Variants in NRG2 observed in about 807,000 individuals in gnomAD.
NRG2 encodes neuregulin 2, also known as pro-neuregulin-2, membrane-bound isoform.
NRG2 carries 27 observed loss-of-function variants against 73.9 expected under a neutral mutation model. The observed-to-expected ratio is 0.37, with a 90% confidence interval of 0.27 to 0.50. The LOEUF (loss-of-function observed/expected upper bound fraction) is 0.50. Ranked by LOEUF, NRG2 falls within the 20% of genes least tolerant of loss-of-function variation. NRG2 has a pLI of 0.96. For missense variants in NRG2, 1,126 were observed against 1,210.1 expected, an observed-to-expected ratio of 0.93 and a Z score of 1.03; for synonymous variants, 532 against 541.0, an observed-to-expected ratio of 0.98 and a Z score of 0.23.
At chr5:139,916,529 G>A (rs115776603) in intron 1 of NRG2, among the ~76,000 whole-genome samples, 6 of 152,160 alleles carry the variant, frequency 3.9e-5, no homozygotes, top group African/African-American at 9.6e-5. Flanking sequence ...AAGAAACCTC[G>A]TACTCTTTAG....
At chr5:139,872,097 C>A (rs1358690331) in intron 3 of NRG2, among the ~76,000 whole-genome samples, 3 of 152,204 alleles carry the variant, frequency 2.0e-5, no homozygotes, top group African/African-American at 7.2e-5. Flanking sequence ...GATTTTCATT[C>A]TTTTGTGGGG....
Position 140,036,137 on chromosome 5 carries a change from T to C in NRG2, c.700+6233A>G, listed in dbSNP as rs147608141. On this transcript the variant is annotated intron_variant, in intron 1 of 9. Coordinates refer to ENST00000361474, the MANE Select transcript of NRG2 (RefSeq NM_004883.3). ...CCAGAGAAGGTCCCTGGAGAGGCCA[T>C]TTGGATCTTCCTGCATATACAAAGT... 5.5e-4 allele frequency among the ~76,000 whole-genome samples: 84 copies of C among 152,270 alleles called. No homozygotes were observed. The East Asian group carries it at 0.015, about 28-fold the overall frequency.
chr5:139,955,158 G>A (rs535776201), intron 1 of NRG2, among the ~76,000 whole-genome samples: 2 of 152,306 alleles, frequency 1.3e-5, no homozygotes, highest in South Asian at 4.1e-4. Flanking sequence ...ACAGTAAAAG[G>A]CAGTTACAGG....
chr5:140,039,422 G>C (rs1208192803), intron 1 of NRG2, among the ~76,000 whole-genome samples: 1 of 152,108 alleles, frequency 6.6e-6, no homozygotes, highest in African/African-American at 2.4e-5. Flanking sequence ...GAAATGCAAA[G>C]ATTTTACTCA....
At chr5:139,928,007 C>G (rs563453808) in intron 1 of NRG2, among the ~76,000 whole-genome samples, 1 of 151,996 alleles carries the variant, frequency 6.6e-6, no homozygotes, top group African/African-American at 2.4e-5. Context: ...CTAGAAAAAG[C>G]CCCATTTGTC....
Position 140,026,962 on chromosome 5 carries a change from A to G in NRG2, c.700+15408T>C, listed in dbSNP as rs186621749. ...GCCTCGAAGAATGTTTGAGACAAAC[A>G]AAAGTCCTTCCGTGGGTCTTTTTTG... On this transcript the variant is annotated intron_variant, in intron 1 of 9. Transcript: ENST00000361474. 2.5e-3 allele frequency among the ~76,000 whole-genome samples: 374 copies of G among 152,280 alleles called. 3 individuals carry two copies. The highest frequency in any genetic ancestry group is 8.3e-3 in the African/African-American group (344 of 41,550).
At chr5:139,889,183 C>G (rs1764058253) in intron 1 of NRG2, among the ~76,000 whole-genome samples, 2 of 152,140 alleles carry the variant, frequency 1.3e-5, no homozygotes. Flanking sequence ...GTATCGTTCT[C>G]TAAGTGGGGG....
chr5:140,036,813 C>A (rs963697076), intron 1 of NRG2, among the ~76,000 whole-genome samples: 3 of 152,190 alleles, frequency 2.0e-5, no homozygotes, highest in Non-Finnish European at 4.4e-5. Context: ...GATCTAAGAA[C>A]AAGTTGTTGA....
At chr5:139,859,776 T>A (rs1762030730) in intron 5 of NRG2, 1 of 1,090,880 alleles carries the variant, frequency 9.2e-7, no homozygotes, top group Admixed American at 2.0e-5. Context: ...ATTTTTGGAA[T>A]CATCCCTTTT....
At chr5:139,907,930 G>A (rs893077595) in intron 1 of NRG2, among the ~76,000 whole-genome samples, 4 of 152,236 alleles carry the variant, frequency 2.6e-5, no homozygotes, top group African/African-American at 9.6e-5. Flanking sequence ...CGTACTATCT[G>A]CCTCAGCCTA....
chr5:139,856,069 G>T lies in NRG2; in HGVS notation c.1190-291C>A, dbSNP rs1761790821. 3 of 433,078 alleles carry T rather than the reference G, an allele frequency of 6.9e-6. No individual in the cohort carries two copies. Among genetic ancestry groups the T allele is most frequent in the South Asian group, 6.4e-5 (2 of 31,460 alleles). The allele number at this position is 433,078 out of a possible 1,614,324, so 26.8% of individuals were successfully genotyped here. On this transcript the variant is annotated intron_variant, in intron 5 of 9. Transcript: ENST00000361474. This position sits in a 1 kb window ranked among gnomAD's most constrained non-coding sequence, Gnocchi z 4.2. ...GAGCACATGAGTGGAAAATGCAGGG[G>T]AATGGGAAGGGATGGAGTGGAGGCA... is the stretch of plus-strand genomic sequence containing the variant.
chr5:139,890,473 CTTTTTT>C (rs11288649), intron 1 of NRG2, among the ~76,000 whole-genome samples: 5 of 106,030 alleles, frequency 4.7e-5, no homozygotes, highest in Admixed American at 9.7e-5. Flanking sequence ...TTCTTTCTTT[CTTTTTT>C]TTTTTTTTTT....
intron 1 of NRG2, among the ~76,000 whole-genome samples, chr5:139,938,663 T>C (rs1201167650): frequency 2.0e-5 from 3 of 152,012 alleles, no homozygotes; most frequent in African/African-American, 7.3e-5. Flanking sequence ...AGCCTCAAGA[T>C]ATATTATAAA....
chr5:139,986,490 G>A (rs1757183079), intron 1 of NRG2, among the ~76,000 whole-genome samples: 1 of 152,158 alleles, frequency 6.6e-6, no homozygotes, highest in South Asian at 2.1e-4. Context: ...AAAGAACCTA[G>A]ACATAAATGA....
rs746735011 is a variant in NRG2 at position 139,848,596 on chromosome 5, G to C, written c.1874C>G (p.Ser625Trp). The change falls in exon 10 of 10, where the codon TCG (serine) becomes TGG (tryptophan). Residue 625 changes from serine to tryptophan, a missense_variant. By Grantham distance (177) the Ser-to-Trp change is radical. Coordinates refer to ENST00000361474, the MANE Select transcript of NRG2 (RefSeq NM_004883.3). The part of the protein sequence containing the change: ...VPTFEITSPN[S>W]AHAVSLPPAA... ...CGGCGGCAGCGACACGGCGTGCGCC[G>C]AGTTGGGGGACGTGATCTCGAAAGT... is the stretch of plus-strand genomic sequence containing the variant. 5 of 1,572,014 alleles carry C rather than the reference G, an allele frequency of 3.2e-6. No individual in the cohort carries two copies. The highest frequency in any genetic ancestry group is 2.4e-5 in the East Asian group (1 of 41,334).
At chr5:139,939,522 G>A (rs984407048) in intron 1 of NRG2, among the ~76,000 whole-genome samples, 9 of 152,026 alleles carry the variant, frequency 5.9e-5, no homozygotes, top group Non-Finnish European at 1.3e-4. Context: ...TGATCTGCCC[G>A]CCTTGGCCTC....
chr5:140,008,788 T>G lies in NRG2; in HGVS notation c.700+33582A>C, dbSNP rs559403920. On this transcript the variant is annotated intron_variant, in intron 1 of 9. Transcript: ENST00000361474. The surrounding 1 kb of genome is among the most constrained non-coding windows in gnomAD (Gnocchi z 4.2). ...AAAATAAATGCATGAAACAAGGAGG[T>G]ATAGTACTATGGTTAGGATATAGGC... is the stretch of plus-strand genomic sequence containing the variant. Among the ~76,000 whole-genome samples the G allele has an allele frequency of 7.9e-5, 12 of 152,002 alleles. No individual in the cohort carries two copies. Among genetic ancestry groups the G allele is most frequent in the Admixed American group, 7.9e-4 (12 of 15,258 alleles).
intron 1 of NRG2, among the ~76,000 whole-genome samples, chr5:139,942,332 C>T (rs933555385): frequency 6.6e-6 from 1 of 152,152 alleles, no homozygotes; most frequent in Non-Finnish European, 1.5e-5. Flanking sequence ...CAATGAATGA[C>T]CACAAGCTTT....
At chr5:140,023,174 A>G (rs2126672504) in intron 1 of NRG2, among the ~76,000 whole-genome samples, 1 of 152,130 alleles carries the variant, frequency 6.6e-6, no homozygotes, top group East Asian at 1.9e-4. Flanking sequence ...ATGGCAACCT[A>G]TCACCTCCAG....
Sources: gnomAD v4.1 joint callset for allele counts (sites outside exome capture counted in the v4.1 genomes callset) on GRCh38, gnomAD v4.1.1 for gene constraint, Gnocchi (gnomAD v3.1) non-coding constraint, MANE v1.5 for transcripts, NCBI Gene and HGNC (gene_info 2026-07-23, HGNC 2026-07-21) for gene names.